Variants in ADCY2 observed in about 807,000 individuals in gnomAD.
The protein encoded by ADCY2 is adenylate cyclase 2.
A neutral mutation model predicts 125.2 loss-of-function variants in ADCY2; 31 were observed. The ratio of observed to expected loss-of-function variants is 0.25; its 90% CI spans 0.19 to 0.33. The LOEUF (loss-of-function observed/expected upper bound fraction) is 0.33. ADCY2 is among the 10% of genes least tolerant of loss of function. The probability of loss-of-function intolerance (pLI) is 1.00; values close to 1 mark genes in which losing one functional copy is unlikely to be tolerated. For synonymous variants in ADCY2, 512 were observed against 548.4 expected, an observed-to-expected ratio of 0.93 and a Z score of 0.93; for missense variants, 904 against 1,418.2, an observed-to-expected ratio of 0.64 and a Z score of 5.82.
chr5:7,418,932 C>T (rs1390535709), intron 2 of ADCY2, among the ~76,000 whole-genome samples: 5 of 152,086 alleles, frequency 3.3e-5, no homozygotes, highest in African/African-American at 4.8e-5. Context: ...GGATTACAGG[C>T]GTGAGCCACT....
intron 7 of ADCY2, among the ~76,000 whole-genome samples, chr5:7,699,247 G>A (rs1219671313): frequency 5.3e-5 from 8 of 149,650 alleles, no homozygotes; most frequent in Admixed American, 2.7e-4. Flanking sequence ...ACAGGCGCCC[G>A]CCACTACGCC....
intron 2 of ADCY2, among the ~76,000 whole-genome samples, chr5:7,444,531 T>C (rs1234046473): frequency 6.6e-6 from 1 of 152,194 alleles, no homozygotes; most frequent in Non-Finnish European, 1.5e-5. Flanking sequence ...TCACTGTTTA[T>C]CTTAATTCAT....
intron 2 of ADCY2, among the ~76,000 whole-genome samples, chr5:7,453,143 C>T (rs1741536070): frequency 2.0e-5 from 3 of 152,034 alleles, no homozygotes; most frequent in Admixed American, 2.0e-4. Flanking sequence ...GTTGCATTTG[C>T]TTTTGGGGTC....
At chr5:7,629,104 A>ATCT (rs1394735063) in intron 4 of ADCY2, among the ~76,000 whole-genome samples, 2 of 152,258 alleles carry the variant, frequency 1.3e-5, no homozygotes, top group African/African-American at 4.8e-5. Context: ...ACCAGCCAGA[A>ATCT]AACAGTTTCA....
chr5:7,676,827 A>G (rs914710656), intron 4 of ADCY2, among the ~76,000 whole-genome samples: 2 of 152,222 alleles, frequency 1.3e-5, no homozygotes, highest in Admixed American at 6.5e-5. Flanking sequence ...AACAGAAGAG[A>G]AATATATTGA....
At chr5:7,503,205 C>T (rs1743661203) in intron 2 of ADCY2, among the ~76,000 whole-genome samples, 1 of 152,150 alleles carries the variant, frequency 6.6e-6, no homozygotes, top group African/African-American at 2.4e-5. Flanking sequence ...GTATTTGTTC[C>T]TTGATTTCCA....
intron 12 of ADCY2, 114 bp from the exon 13 acceptor site, chr5:7,724,431 C>A: frequency 1.5e-5 from 10 of 654,072 alleles, no homozygotes; most frequent in Non-Finnish European, 2.1e-5. Flanking sequence ...TTTTTAAATG[C>A]TGTTCGGAAT....
intron 2 of ADCY2, among the ~76,000 whole-genome samples, chr5:7,501,988 C>T (rs144800981): frequency 1.2e-4 from 19 of 152,268 alleles, no homozygotes; most frequent in Non-Finnish European, 2.4e-4. Flanking sequence ...CAATGGGAGA[C>T]TTTCAACATG....
intron 4 of ADCY2, among the ~76,000 whole-genome samples, chr5:7,674,675 G>T (rs1001493548): frequency 2.0e-5 from 3 of 152,080 alleles, no homozygotes; most frequent in Admixed American, 6.5e-5. Context: ...CTCTGACTTT[G>T]TCAGTTCTGA....
chr5:7,723,494 A>G (rs1173919011), intron 12 of ADCY2, among the ~76,000 whole-genome samples: 1 of 152,204 alleles, frequency 6.6e-6, no homozygotes, highest in African/African-American at 2.4e-5. Context: ...ACAATGTGGT[A>G]CAATGCATAC....
intron 12 of ADCY2, among the ~76,000 whole-genome samples, chr5:7,720,747 T>TAGTA (rs1457347792): frequency 6.6e-6 from 1 of 152,222 alleles, no homozygotes; most frequent in African/African-American, 2.4e-5. Flanking sequence ...TATGGCTGCA[T>TAGTA]AGTATTCCAT....
intron 2 of ADCY2, among the ~76,000 whole-genome samples, chr5:7,422,847 C>T (rs1740254828): frequency 6.6e-6 from 1 of 152,176 alleles, no homozygotes; most frequent in South Asian, 2.1e-4. Context: ...ATAAAGGCCT[C>T]TCTTAGCCTT....
intron 3 of ADCY2, among the ~76,000 whole-genome samples, chr5:7,544,348 G>A (rs1735087475): frequency 6.6e-6 from 1 of 152,208 alleles, no homozygotes; most frequent in African/African-American, 2.4e-5. Flanking sequence ...AAGTCAAGGT[G>A]TTGGCAGGGC....
At chr5:7,806,639 G>A (rs934779138) in intron 22 of ADCY2, among the ~76,000 whole-genome samples, 12 of 152,238 alleles carry the variant, frequency 7.9e-5, no homozygotes, top group Admixed American at 3.3e-4. Flanking sequence ...GAGAGAGCTG[G>A]TTTCTCTTCC....
intron 4 of ADCY2, among the ~76,000 whole-genome samples, chr5:7,680,706 C>T (rs1740301040): frequency 6.6e-6 from 1 of 152,174 alleles, no homozygotes; most frequent in Non-Finnish European, 1.5e-5. Flanking sequence ...CTTGAGTTTT[C>T]ATCCTATGTA....
At chr5:7,826,204 TG>T (rs1169196126) in intron 24 of ADCY2, among the ~76,000 whole-genome samples, 1 of 152,174 alleles carries the variant, frequency 6.6e-6, no homozygotes, top group African/African-American at 2.4e-5. Flanking sequence ...CAGTGCTCAG[TG>T]CTCCTTCTCG....
chr5:7,593,254 C>T (rs1350041045), intron 3 of ADCY2, among the ~76,000 whole-genome samples: 1 of 152,118 alleles, frequency 6.6e-6, no homozygotes, highest in African/African-American at 2.4e-5. Context: ...TATAGAGCAC[C>T]AAAGACACCC....
At chr5:7,752,327 A>G (rs1357090745) in intron 15 of ADCY2, among the ~76,000 whole-genome samples, 1 of 152,192 alleles carries the variant, frequency 6.6e-6, no homozygotes, top group Non-Finnish European at 1.5e-5. Context: ...GCCAAAGTAG[A>G]TGTTCCTTTA....
At chr5:7,762,113 G>A (rs1202303227) in intron 16 of ADCY2, among the ~76,000 whole-genome samples, 2 of 152,278 alleles carry the variant, frequency 1.3e-5, no homozygotes, top group African/African-American at 4.8e-5. Flanking sequence ...CCTGTCTATC[G>A]ATTAAGGGGG....
Sources: gnomAD v4.1 joint callset for allele counts (sites outside exome capture counted in the v4.1 genomes callset) on GRCh38, gnomAD v4.1.1 for gene constraint, MANE v1.5 for transcripts, NCBI Gene and HGNC (gene_info 2026-07-23, HGNC 2026-07-21) for gene names.